DPF3: variants seen among roughly 807,000 people sequenced by gnomAD.
DPF3 encodes the protein double PHD fingers 3.
Under a neutral mutation model 56.8 loss-of-function variants are expected in DPF3, and 18 were observed. The ratio of observed to expected loss-of-function variants is 0.32; its 90% confidence interval spans 0.22 to 0.47. DPF3 has a LOEUF of 0.47. Ranked by LOEUF, DPF3 falls within the 20% of genes least tolerant of loss-of-function variation. DPF3 has a pLI of 1.00. For synonymous variants in DPF3, 188 were observed against 180.2 expected (o/e 1.04, Z -0.35); for missense variants, 403 against 488.8 (o/e 0.82, Z 1.65).
chr14:72,702,717 C>G (rs952630633), intron 6 of DPF3, among the ~76,000 whole-genome samples: 3 of 152,172 alleles, frequency 2.0e-5, no homozygotes, highest in African/African-American at 7.2e-5. Context: ...TGTGTGACTC[C>G]CAGATACAAA....
intron 1 of DPF3, among the ~76,000 whole-genome samples, chr14:72,860,882 T>C (rs2140096754): frequency 6.6e-6 from 1 of 152,322 alleles, no homozygotes; most frequent in Admixed American, 6.5e-5. Flanking sequence ...TTCTTTTAAT[T>C]GAAGATTGTG....
At chr14:72,876,749 CCT>C (rs1228076328) in intron 1 of DPF3, among the ~76,000 whole-genome samples, 4 of 152,226 alleles carry the variant, frequency 2.6e-5, no homozygotes, top group Non-Finnish European at 5.9e-5. Flanking sequence ...GAACTCAGCT[CCT>C]CTCTGAAGCA....
Position 72,693,205 on chromosome 14 carries a change from T to C in DPF3, c.613A>G (p.Lys205Glu). The C allele has an allele frequency of 6.2e-7, 1 of 1,613,840 alleles. No homozygotes were observed. The highest frequency in any genetic ancestry group is 1.1e-5 in the South Asian group (1 of 91,056). The change falls in exon 7 of 11, where the codon AAG (lysine) becomes GAG (glutamate). Residue 205 changes from lysine to glutamate, a missense_variant. Physicochemically the swap from Lys to Glu is moderately conservative, Grantham distance 56 (BLOSUM62 1). Coordinates refer to ENST00000556509, the MANE Select transcript of DPF3 (RefSeq NM_001280542.3). ...AGCCCCGGTCGGTTCTTGTAGCGCTTGCCACAGACTAGAGAGGAAAAGAGG... is the reference window on the plus strand; with the variant it reads ...AGCCCCGGTCGGTTCTTGTAGCGCTCGCCACAGACTAGAGAGGAAAAGAGG... ...DKPYVCDICG[K>E]RYKNRPGLSY...
intron 1 of DPF3, among the ~76,000 whole-genome samples, chr14:72,802,858 G>A (rs972775387): frequency 2.6e-5 from 4 of 151,982 alleles, no homozygotes; most frequent in Non-Finnish European, 4.4e-5. Context: ...AGCCTGTCTC[G>A]ATGTGATAGC....
chr14:72,887,411 A>G (rs1463811344), intron 1 of DPF3, among the ~76,000 whole-genome samples: 1 of 152,206 alleles, frequency 6.6e-6, no homozygotes, highest in Non-Finnish European at 1.5e-5. Context: ...CCTCAGCCTC[A>G]GACCTTGAGA....
intron 6 of DPF3, among the ~76,000 whole-genome samples, chr14:72,701,192 C>A (rs1036046809): frequency 6.6e-6 from 1 of 152,194 alleles, no homozygotes. Flanking sequence ...TTGCACCATG[C>A]ACCTCTGAAG....
chr14:72,886,971 C>A (rs1340994344), intron 1 of DPF3, among the ~76,000 whole-genome samples: 1 of 152,126 alleles, frequency 6.6e-6, no homozygotes, highest in East Asian at 1.9e-4. Flanking sequence ...TACAGGTCCA[C>A]TTACTTCAGC....
chr14:72,736,804 A>C (rs1889910893), intron 3 of DPF3, among the ~76,000 whole-genome samples: 1 of 152,174 alleles, frequency 6.6e-6, no homozygotes. Flanking sequence ...CCTCACACAA[A>C]CTTGGGGCCC....
intron 1 of DPF3, among the ~76,000 whole-genome samples, chr14:72,823,485 T>G (rs941356519): frequency 1.3e-5 from 2 of 152,174 alleles, no homozygotes; most frequent in Non-Finnish European, 2.9e-5. Flanking sequence ...GACTCCAGGC[T>G]GGTGAGTCTG....
At chr14:72,624,276 A>C (rs1374372772) in intron 9 of DPF3, among the ~76,000 whole-genome samples, 1 of 151,474 alleles carries the variant, frequency 6.6e-6, no homozygotes, top group Non-Finnish European at 1.5e-5. Flanking sequence ...TTGGTGTAAT[A>C]CTGTTAACTA....
chr14:72,819,670 T>C (rs78622295), intron 1 of DPF3, among the ~76,000 whole-genome samples: 14,236 of 152,210 alleles, frequency 0.094, 824 homozygotes, highest in Admixed American at 0.18. Context: ...GCATGGTGGC[T>C]CACATCTATA....
At chr14:72,872,593 A>C (rs1885943994) in intron 1 of DPF3, among the ~76,000 whole-genome samples, 1 of 152,244 alleles carries the variant, frequency 6.6e-6, no homozygotes, top group Non-Finnish European at 1.5e-5. Flanking sequence ...TATGGAACCA[A>C]AAAAGAGCCC....
At chr14:72,864,279 C>T (rs1460324209) in intron 1 of DPF3, among the ~76,000 whole-genome samples, 2 of 152,170 alleles carry the variant, frequency 1.3e-5, no homozygotes. Context: ...GCTCAATCAC[C>T]ACCTTCTCAG....
At chr14:72,765,339 G>A (rs1313098345) in intron 2 of DPF3, among the ~76,000 whole-genome samples, 1 of 152,146 alleles carries the variant, frequency 6.6e-6, no homozygotes, top group Non-Finnish European at 1.5e-5. Context: ...AAAAGAGCTT[G>A]GCAGTTTCTT....
chr14:72,892,004 C>A, intron 1 of DPF3: 2 of 636,464 alleles, frequency 3.1e-6, no homozygotes, highest in Non-Finnish European at 4.6e-6. Flanking sequence ...CCTACACAGA[C>A]TCCCTCCCCA....
At chr14:72,662,563 T>A in intron 8 of DPF3, 1 of 985,216 alleles carries the variant, frequency 1.0e-6, no homozygotes, top group Non-Finnish European at 1.2e-6. Flanking sequence ...GAAAATATAA[T>A]GAAGATTTAA....
At chr14:72,858,166 G>A (rs115755959) in intron 1 of DPF3, among the ~76,000 whole-genome samples, 6,821 of 152,074 alleles carry the variant, frequency 0.045, 433 homozygotes, top group African/African-American at 0.14. Flanking sequence ...AAATTAGCCA[G>A]GTATGGTGGC....
chr14:72,892,472 A>G (rs12885646), intron 1 of DPF3: 231,568 of 1,427,042 alleles, frequency 0.16, 20,012 homozygotes, highest in Middle Eastern at 0.22. Context: ...CAGCTTTCAT[A>G]TAAATATATT....
intron 8 of DPF3, chr14:72,662,965 G>C: frequency 1.6e-6 from 1 of 625,536 alleles, no homozygotes; most frequent in Non-Finnish European, 2.0e-6. Flanking sequence ...AAGAAAGAAA[G>C]AAAACCACCA....
Sources: allele counts gnomAD v4.1 joint callset (sites outside exome capture counted in the v4.1 genomes callset), GRCh38; gene constraint gnomAD v4.1.1; transcripts MANE v1.5; gene names NCBI Gene and HGNC (gene_info 2026-07-23, HGNC 2026-07-21).